Variants in SORCS2 observed in about 807,000 individuals in gnomAD.
The protein encoded by SORCS2 is sortilin related VPS10 domain containing receptor 2.
In SORCS2, 100 loss-of-function variants were observed where a neutral mutation model predicts 141.6. The observed-to-expected ratio is 0.71, with a 90% CI of 0.60 to 0.83. The LOEUF is 0.83. SORCS2 is among the 40% of genes least tolerant of loss of function. SORCS2 has a pLI of 0.00. For synonymous variants in SORCS2, 789 were observed against 676.9 expected, an observed-to-expected ratio of 1.17 and a Z score of -2.57; for missense variants, 1,646 against 1,560.2, an observed-to-expected ratio of 1.05 and a Z score of -0.93.
At chr4:7,697,160 A>G in intron 11 of SORCS2, 38 bp from the exon 12 acceptor site, 1 of 1,530,510 alleles carries the variant, frequency 6.5e-7, no homozygotes. Flanking sequence ...AAGCTGGACG[A>G]TCCTAAGGGT....
Position 7,742,228 on chromosome 4 carries a change from G to C in SORCS2, c.*1964G>C, listed in dbSNP as rs1712731736. 1 of 152,270 alleles carries C rather than the reference G, an allele frequency of 6.6e-6. No homozygotes were observed. Among genetic ancestry groups the C allele is most frequent in the Non-Finnish European group, 1.5e-5 (1 of 68,080 alleles). 9.4% of individuals were successfully genotyped at this position (152,270 alleles called of 1,614,324 possible). A position where few individuals can be genotyped will look rare whatever the true frequency, so the allele number is the denominator to read the frequency against. ...CCATTCCCCTGCTTGCAGTCTGCAA[G>C]GACACCTTTGCAGGGATTCTTGTCC... On this transcript the variant is annotated 3_prime_UTR_variant, in exon 27 of 27. Coordinates refer to ENST00000507866, the MANE Select transcript of SORCS2 (RefSeq NM_020777.3).
intron 1 of SORCS2, among the ~76,000 whole-genome samples, chr4:7,337,038 G>A (rs962166423): frequency 1.3e-5 from 2 of 152,210 alleles, no homozygotes; most frequent in Admixed American, 1.3e-4. Flanking sequence ...AATCGTGGCT[G>A]AGAAGAGAGA....
At chr4:7,278,342 C>G (rs949127747) in intron 1 of SORCS2, among the ~76,000 whole-genome samples, 6 of 152,162 alleles carry the variant, frequency 3.9e-5, no homozygotes, top group Non-Finnish European at 7.4e-5. Flanking sequence ...GTGACGGGGT[C>G]TTCGTTCTTC....
At chr4:7,468,223 A>G (rs1729739535) in intron 2 of SORCS2, among the ~76,000 whole-genome samples, 1 of 152,224 alleles carries the variant, frequency 6.6e-6, no homozygotes, top group African/African-American at 2.4e-5. Flanking sequence ...CCCAGGTCTA[A>G]GTGGGACTCC....
At chr4:7,620,820 T>C (rs1294938703) in intron 3 of SORCS2, among the ~76,000 whole-genome samples, 1 of 150,196 alleles carries the variant, frequency 6.7e-6, no homozygotes, top group Non-Finnish European at 1.5e-5. Flanking sequence ...CGGTGGGGGG[T>C]CTCCCCTGCA....
intron 2 of SORCS2, among the ~76,000 whole-genome samples, chr4:7,489,260 G>A (rs1731177157): frequency 6.6e-6 from 1 of 152,072 alleles, no homozygotes; most frequent in East Asian, 1.9e-4. Flanking sequence ...TGTTCTCTGG[G>A]CTCTTACTCC....
chr4:7,455,749 T>A (rs1441003933), intron 2 of SORCS2, among the ~76,000 whole-genome samples: 1 of 151,598 alleles, frequency 6.6e-6, no homozygotes, highest in Non-Finnish European at 1.5e-5. Context: ...AGGCTCCGTC[T>A]TGGGGTCAGG....
At chr4:7,632,492 G>T (rs1013927436) in intron 3 of SORCS2, among the ~76,000 whole-genome samples, 1 of 152,056 alleles carries the variant, frequency 6.6e-6, no homozygotes, top group African/African-American at 2.4e-5. Flanking sequence ...CCTCTCCCCC[G>T]TCTTTCCTGG....
intron 1 of SORCS2, among the ~76,000 whole-genome samples, chr4:7,238,297 G>GC (rs901727988): frequency 1.4e-4 from 21 of 152,064 alleles, no homozygotes; most frequent in Non-Finnish European, 2.2e-4. Flanking sequence ...GTCTGGGGGG[G>GC]GTTGCTGGTA....
At chr4:7,340,584 G>T (rs17813558) in intron 1 of SORCS2, among the ~76,000 whole-genome samples, 15,891 of 152,260 alleles carry the variant, frequency 0.1, 1,092 homozygotes, top group Admixed American at 0.18. Context: ...CTCACTGCGG[G>T]GTCTGAAACA....
At chr4:7,401,036 TGGAC>T (rs201543461) in intron 2 of SORCS2, among the ~76,000 whole-genome samples, 41 of 152,118 alleles carry the variant, frequency 2.7e-4, no homozygotes, top group Admixed American at 5.2e-4. Flanking sequence ...GGTGGATGGA[TGGAC>T]GGACAGATGG....
intron 5 of SORCS2, among the ~76,000 whole-genome samples, chr4:7,655,839 C>A (rs1273741381): frequency 6.6e-6 from 1 of 152,216 alleles, no homozygotes; most frequent in African/African-American, 2.4e-5. Context: ...CACTCCCGGG[C>A]CAGGCCGGGC....
intron 7 of SORCS2, among the ~76,000 whole-genome samples, chr4:7,666,837 T>C (rs1026550678): frequency 6.6e-6 from 1 of 152,126 alleles, no homozygotes; most frequent in Admixed American, 6.5e-5. Context: ...ATCGGAACTT[T>C]CTCCACCTTG....
intron 3 of SORCS2, among the ~76,000 whole-genome samples, chr4:7,537,805 G>A (rs1577715088): frequency 6.6e-6 from 1 of 152,146 alleles, no homozygotes; most frequent in African/African-American, 2.4e-5. Flanking sequence ...CCAGGAGTTT[G>A]AGACCAGCCT....
chr4:7,200,582 C>G (rs545440636), intron 1 of SORCS2, among the ~76,000 whole-genome samples: 1 of 152,096 alleles, frequency 6.6e-6, no homozygotes, highest in East Asian at 1.9e-4. Flanking sequence ...GAATGGAGAC[C>G]GGGAATGAAG....
chr4:7,235,978 G>C (rs1292231036), intron 1 of SORCS2, among the ~76,000 whole-genome samples: 3 of 152,296 alleles, frequency 2.0e-5, no homozygotes, highest in Admixed American at 1.3e-4. Flanking sequence ...ATCTTTACTA[G>C]ATGCTGAAGA....
intron 10 of SORCS2, among the ~76,000 whole-genome samples, chr4:7,689,037 T>A (rs1353451470): frequency 1.3e-5 from 2 of 152,136 alleles, no homozygotes; most frequent in Non-Finnish European, 2.9e-5. Context: ...AATGAATAAG[T>A]ATGAGCTTGG....
chr4:7,697,904 G>T (rs1182221024), intron 12 of SORCS2, among the ~76,000 whole-genome samples: 2 of 152,204 alleles, frequency 1.3e-5, no homozygotes, highest in African/African-American at 4.8e-5. Flanking sequence ...CACCAGCACA[G>T]GATGGCCTGG....
chr4:7,352,132 G>C (rs1012438794), intron 1 of SORCS2, among the ~76,000 whole-genome samples: 4 of 152,204 alleles, frequency 2.6e-5, no homozygotes, highest in African/African-American at 9.7e-5. Flanking sequence ...GCTCACAGAA[G>C]CCTCTGTGTA....
Sources: allele counts gnomAD v4.1 joint callset (sites outside exome capture counted in the v4.1 genomes callset), GRCh38; gene constraint gnomAD v4.1.1; transcripts MANE v1.5; gene names NCBI Gene and HGNC (gene_info 2026-07-23, HGNC 2026-07-21).